The following NCKAP5 variants were observed in gnomAD, a reference collection of about 807,000 sequenced individuals.
NCKAP5 encodes nck-associated protein 5.
In NCKAP5, 92 loss-of-function variants were observed where a neutral mutation model predicts 167.0. The ratio of observed to expected loss-of-function variants is 0.55; its 90% CI spans 0.47 to 0.66. The LOEUF is 0.66. Among genes scored for constraint, NCKAP5 ranks in the 30% least tolerant of loss-of-function variants. The pLI is 0.00. For synonymous variants in NCKAP5, 891 were observed against 877.4 expected (o/e 1.02, Z -0.27); for missense variants, 2,378 against 2,315.0 (o/e 1.03, Z -0.56).
chr2:132,876,849 G>A (rs766970131), intron 9 of NCKAP5, among the ~76,000 whole-genome samples: 42 of 152,176 alleles, frequency 2.8e-4, no homozygotes, highest in Middle Eastern at 3.2e-3. Flanking sequence ...TGAAACGTAC[G>A]GAGTGCAGGC....
intron 5 of NCKAP5, among the ~76,000 whole-genome samples, chr2:133,191,596 G>T (rs1366740499): frequency 1.3e-5 from 2 of 152,070 alleles, no homozygotes; most frequent in Non-Finnish European, 1.5e-5. Flanking sequence ...CCATAAAAAA[G>T]GATGAGTTCA....
rs2076350549 is a variant in NCKAP5 at position 132,956,538 on chromosome 2, A to G, written c.579+7182T>C. Among the ~76,000 whole-genome samples the G allele has an allele frequency of 3.3e-5, 5 of 152,162 alleles. No individual in the cohort carries two copies. In the South Asian group the frequency reaches 1.0e-3, roughly 31 times the overall value. ...TTGCATTCATACTTCTCTCTCCCGC[A>G]TCATCGATTTCGCCCTCTCCACTAG... On this transcript the variant is annotated intron_variant, in intron 8 of 19. Transcript: ENST00000409261.
At chr2:133,277,630 T>G (rs116175885) in intron 4 of NCKAP5, among the ~76,000 whole-genome samples, 317 of 152,278 alleles carry the variant, frequency 2.1e-3, no homozygotes, top group African/African-American at 7.4e-3. Context: ...ACAAGGTTCT[T>G]TGGGAGCTAG....
Position 132,783,203 on chromosome 2 carries a change from G to T in NCKAP5, c.3608C>A (p.Ala1203Glu), listed in dbSNP as rs200334792. Residue 1203 changes from alanine to glutamate, a missense_variant, in exon 14 of 20, where the codon GCG becomes GAG. Physicochemically the swap from Ala to Glu is moderately radical, Grantham distance 107 (BLOSUM62 -1). Coordinates refer to ENST00000409261, the MANE Select transcript of NCKAP5 (RefSeq NM_207363.3). ...SKNPASMEITAGERNVTLPDS... is the reference protein window; with the variant it reads ...SKNPASMEITEGERNVTLPDS... ...CGGTAGGGTCACATTTCTTTCACCC[G>T]CTGTGATCTCCATGCTTGCTGGATT... 4 of 1,613,894 alleles carry T rather than the reference G, an allele frequency of 2.5e-6. No homozygotes were observed. Among genetic ancestry groups the T allele is most frequent in the Non-Finnish European group, 1.7e-6 (2 of 1,179,884 alleles).
At chr2:133,561,152 A>T (rs1204662453) in intron 1 of NCKAP5, among the ~76,000 whole-genome samples, 23 of 152,240 alleles carry the variant, frequency 1.5e-4, no homozygotes, top group Admixed American at 1.5e-3. Context: ...ACTGCTATTT[A>T]TCAGGAATCC....
intron 8 of NCKAP5, among the ~76,000 whole-genome samples, chr2:132,935,972 T>C (rs1238514875): frequency 6.8e-6 from 1 of 147,888 alleles, no homozygotes; most frequent in Non-Finnish European, 1.5e-5. Flanking sequence ...TTAAATAATA[T>C]TTTTTTTCTT....
At chr2:133,526,460 T>C (rs1684936327) in intron 2 of NCKAP5, among the ~76,000 whole-genome samples, 1 of 152,210 alleles carries the variant, frequency 6.6e-6, no homozygotes, top group African/African-American at 2.4e-5. Context: ...AGCACATGAT[T>C]TGAGCAAGGA....
intron 4 of NCKAP5, among the ~76,000 whole-genome samples, chr2:133,295,680 C>T (rs1301570622): frequency 6.6e-6 from 1 of 152,122 alleles, no homozygotes; most frequent in African/African-American, 2.4e-5. Context: ...CTGAGGGATA[C>T]TACTGGCAGG....
chr2:132,876,848 C>G (rs553888769), intron 9 of NCKAP5, among the ~76,000 whole-genome samples: 1 of 152,116 alleles, frequency 6.6e-6, no homozygotes, highest in Non-Finnish European at 1.5e-5. Flanking sequence ...ATGAAACGTA[C>G]GGAGTGCAGG....
At position 132,692,108 on chromosome 2, in the gene NCKAP5, GATTTTATTTTATTTTATTTT is replaced by G. The variant is rs5834326; in HGVS notation, c.5714-18823_5714-18804del. ...TATATCCCATCTATGAAGCCTGCTT[GATTTTATTTTATTTTATTTT>G]ATTTTATTTTATTTTATTTTATTTT... On this transcript the variant is annotated intron_variant, in intron 19 of 19. Coordinates refer to ENST00000409261, the MANE Select transcript of NCKAP5 (RefSeq NM_207363.3). Among the ~76,000 whole-genome samples the G allele has an allele frequency of 8.7e-3, 1,183 of 136,684 alleles. 13 individuals carry two copies. Among genetic ancestry groups the G allele is most frequent in the African/African-American group, 0.027 (989 of 36,852 alleles). 89.7% of individuals were successfully genotyped at this position (136,684 alleles called of 152,430 possible).
intron 3 of NCKAP5, among the ~76,000 whole-genome samples, chr2:133,454,299 T>A (rs1273973586): frequency 6.6e-6 from 1 of 152,040 alleles, no homozygotes; most frequent in East Asian, 1.9e-4. Context: ...GTATTTGGTA[T>A]AGAATTATAC....
intron 8 of NCKAP5, among the ~76,000 whole-genome samples, chr2:132,955,938 T>C (rs1217900118): frequency 1.3e-5 from 2 of 152,204 alleles, no homozygotes; most frequent in Non-Finnish European, 2.9e-5. Flanking sequence ...AAATGTTTGT[T>C]GGCCACATAA....
chr2:133,109,628 T>C (rs116288888), intron 6 of NCKAP5, among the ~76,000 whole-genome samples: 3,028 of 152,226 alleles, frequency 0.02, 92 homozygotes, highest in African/African-American at 0.07. Flanking sequence ...ACAAAAAATA[T>C]AGTAATTTAG....
At chr2:133,258,766 AAGAAG>A (rs1181235448) in intron 4 of NCKAP5, among the ~76,000 whole-genome samples, 10 of 151,498 alleles carry the variant, frequency 6.6e-5, no homozygotes, top group Admixed American at 6.6e-4. Context: ...AAAAAAGAAG[AAGAAG>A]AGAAGAAGAA....
intron 3 of NCKAP5, among the ~76,000 whole-genome samples, chr2:133,443,163 G>A (rs1690962161): frequency 6.6e-6 from 1 of 152,148 alleles, no homozygotes; most frequent in South Asian, 2.1e-4. Flanking sequence ...CAGGTTTATG[G>A]GACTATGGCA....
At chr2:133,145,140 TA>T (rs2149856091) in intron 5 of NCKAP5, among the ~76,000 whole-genome samples, 1 of 152,220 alleles carries the variant, frequency 6.6e-6, no homozygotes, top group East Asian at 1.9e-4. Flanking sequence ...TAAATACATT[TA>T]ATTTATTAAA....
the NCKAP5 span, among the ~76,000 whole-genome samples, chr2:133,622,214 A>G: frequency 6.6e-6 from 1 of 152,154 alleles, no homozygotes; most frequent in African/African-American, 2.4e-5. Context: ...ACTCCCCCTG[A>G]GAACTAGACC....
intron 7 of NCKAP5, among the ~76,000 whole-genome samples, chr2:132,991,468 T>G (rs2077445268): frequency 6.6e-6 from 1 of 152,146 alleles, no homozygotes; most frequent in Non-Finnish European, 1.5e-5. Context: ...CATTGTCCTT[T>G]GAGAGAATCC....
At chr2:133,031,195 T>C (rs1461602401) in intron 6 of NCKAP5, among the ~76,000 whole-genome samples, 1 of 152,114 alleles carries the variant, frequency 6.6e-6, no homozygotes, top group Non-Finnish European at 1.5e-5. Context: ...AAAGAGGCAC[T>C]GAAGAGATTT....
Sources: allele counts gnomAD v4.1 joint callset (sites outside exome capture counted in the v4.1 genomes callset), GRCh38; gene constraint gnomAD v4.1.1; transcripts MANE v1.5; gene names NCBI Gene and HGNC (gene_info 2026-07-23, HGNC 2026-07-21).